The following KANK2 variants were observed in gnomAD, a reference collection of about 807,000 sequenced individuals.
KANK2 encodes the protein KN motif and ankyrin repeat domains 2, also known as KN motif and ankyrin repeat domain-containing protein 2.
KANK2 carries 41 observed loss-of-function variants against 74.6 expected under a neutral mutation model. The observed-to-expected ratio is 0.55, with a 90% confidence interval of 0.43 to 0.71. The LOEUF is 0.71. KANK2 is among the 30% of genes least tolerant of loss of function. The pLI, the probability that KANK2 is intolerant of heterozygous loss-of-function variation, is 0.00. For missense variants in KANK2, 1,148 were observed against 1,196.4 expected (o/e 0.96, Z 0.60); for synonymous variants, 537 against 519.0 (o/e 1.03, Z -0.47).
In KANK2 at chr19:11,176,829, C is replaced by T. The variant is rs377011452; in HGVS notation, c.1521-12G>A. 5.5e-5 allele frequency: 82 copies of T among 1,493,366 alleles called. No homozygotes were observed. Among genetic ancestry groups the T allele is most frequent in the South Asian group, 4.2e-4 (30 of 72,030 alleles). The allele number at this position is 1,493,366 out of a possible 1,614,324, so 92.5% of individuals were successfully genotyped here. ...ATGACGACTCATACCTGGGGAGGAA[C>T]GAGCGGGGAGGGGGAGATGCTGCAG... On this transcript the variant is annotated splice_polypyrimidine_tract_variant and intron_variant, in intron 6 of 12. Transcript: ENST00000586659.
intron 6 of KANK2, among the ~76,000 whole-genome samples, chr19:11,177,642 G>A (rs1439733914): frequency 1.3e-5 from 2 of 152,242 alleles, no homozygotes; most frequent in Non-Finnish European, 1.5e-5. Flanking sequence ...GTGAGCCACC[G>A]CGCCCGGCCA....
At position 11,176,696 on chromosome 19, in the gene KANK2, T is replaced by C; in HGVS notation, c.1642A>G (p.Arg548Gly). 2 of 1,613,046 alleles carry C rather than the reference T, an allele frequency of 1.2e-6. No homozygotes were observed. The highest frequency in any genetic ancestry group is 1.1e-5 in the South Asian group (1 of 90,878). ...TTGGCCGCTGCCGTCCCTGCAGGCCTGAGCTGGGGGGCTTCGGCCACACTC... is the reference window on the plus strand; with the variant it reads ...TTGGCCGCTGCCGTCCCTGCAGGCCCGAGCTGGGGGGCTTCGGCCACACTC... The part of the protein sequence containing the change: ...VPSVAEAPQL[R>G]PAGTAAAKTS... Residue 548 changes from arginine (R) to glycine (G), a missense_variant, in exon 7 of 13, where the codon AGG becomes GGG. Coordinates refer to ENST00000586659, the MANE Select transcript of KANK2 (RefSeq NM_001136191.3).
At position 11,170,186 on chromosome 19, in the gene KANK2, C is replaced by G; in HGVS notation, c.2274G>C (p.Leu758=). 7 of 1,611,956 alleles carry G rather than the reference C, an allele frequency of 4.3e-6. No homozygotes were observed. The highest frequency in any genetic ancestry group is 5.9e-6 in the Non-Finnish European group (7 of 1,180,026). Residue 758 remains leucine, a synonymous_variant, in exon 11 of 13, where the codon CTG becomes CTC. Transcript: ENST00000586659. This position sits in a 1 kb window ranked among gnomAD's most constrained non-coding sequence, Gnocchi z 5.2. ...SHGRVDVVKA[L]LACEADVNVQ... ...CGTTGACATCTGCCTCACAGGCCAG[C>G]AGGGCTTTGACAACGTCCACCCGCC... is the stretch of plus-strand genomic sequence containing the variant.
At chr19:11,196,560 T>G (rs1213732893) in intron 1 of KANK2, 2 of 152,110 alleles carry the variant, frequency 1.3e-5, no homozygotes, top group East Asian at 3.9e-4. Flanking sequence ...ACCCTCAGAC[T>G]CCACATCAGA....
At chr19:11,167,751 C>T (rs1600803662) in intron 12 of KANK2, among the ~76,000 whole-genome samples, 1 of 152,004 alleles carries the variant, frequency 6.6e-6, no homozygotes, top group South Asian at 2.1e-4. Flanking sequence ...TGGTCTCGAA[C>T]TCCTGACCTC....
intron 4 of KANK2, among the ~76,000 whole-genome samples, chr19:11,186,330 G>A (rs1315610371): frequency 6.6e-6 from 1 of 152,084 alleles, no homozygotes; most frequent in Non-Finnish European, 1.5e-5. Flanking sequence ...GGAGGTTGCA[G>A]TGAGCCAAGA....
intron 6 of KANK2, 137 bp from the exon 7 acceptor site, chr19:11,176,954 A>ACAACCCT: frequency 9.6e-7 from 1 of 1,044,858 alleles, no homozygotes; most frequent in Non-Finnish European, 1.3e-6. Context: ...TTGACATTCC[A>ACAACCCT]GGGTTGTGGG....
Position 11,174,502 on chromosome 19 carries a change from A to G in KANK2, c.2039T>C (p.Phe680Ser), listed in dbSNP as rs951444545. ...GTCGAGCAGCTGCTGCACCACGGGG[A>G]AGTTGGCATGAGACACGGAGTAGTG... ...ALHYSVSHAN[F>S]PVVQQLLDSG... The change falls in exon 9 of 13, where the codon TTC (phenylalanine) becomes TCC (serine). Residue 680 changes from phenylalanine (F) to serine (S), a missense_variant. Transcript: ENST00000586659. 6.2e-7 allele frequency: 1 copy of G among 1,612,900 alleles called. No individual in the cohort carries two copies. The highest frequency in any genetic ancestry group is 1.7e-5 in the Admixed American group (1 of 59,806).
At chr19:11,194,401 A>C in intron 3 of KANK2, 74 bp downstream of exon 3, 2 of 1,229,446 alleles carry the variant, frequency 1.6e-6, no homozygotes, top group Non-Finnish European at 2.4e-6. Flanking sequence ...TCCCCAGGGC[A>C]AGGTCCCCAG....
rs1397627047 is a variant in KANK2 at position 11,170,538 on chromosome 19, T to C, written c.2212-290A>G. ...AGAACGTTCTGGAACTAGACGGAGG[T>C]GTTGGTTGCACAACAGGGTGAATGT... On this transcript the variant is annotated intron_variant, in intron 10 of 12. Transcript: ENST00000586659. This position sits in a 1 kb window ranked among gnomAD's most constrained non-coding sequence, Gnocchi z 5.2. 1 of 500,854 alleles carries C rather than the reference T, an allele frequency of 2.0e-6. No homozygotes were observed. Among genetic ancestry groups the C allele is most frequent in the Non-Finnish European group, 3.6e-6 (1 of 276,676 alleles). 31.0% of individuals were successfully genotyped at this position (500,854 alleles called of 1,614,324 possible). A position where few individuals can be genotyped will look rare whatever the true frequency, so the allele number is the denominator to read the frequency against.
intron 9 of KANK2, among the ~76,000 whole-genome samples, chr19:11,173,942 C>T (rs1432954595): frequency 1.3e-5 from 2 of 151,838 alleles, no homozygotes; most frequent in Non-Finnish European, 2.9e-5. Context: ...ATGATGTCTC[C>T]TCCATTAAAC....
At position 11,176,078 on chromosome 19, in the gene KANK2, A is replaced by G. The variant is rs145166964; in HGVS notation, c.1761-89T>C. 5.9e-4 allele frequency: 584 copies of G among 985,990 alleles called. 5 individuals carry two copies. In the African/African-American group the frequency reaches 8.5e-3, roughly 14 times the overall value. 61.1% of individuals were successfully genotyped at this position (985,990 alleles called of 1,614,324 possible). On this transcript the variant is annotated intron_variant, in intron 7 of 12. Transcript: ENST00000586659. ...GACATTCTGCACCACGTCACTCACAATAGGGTCACCTGAATGGTGGCATCT... is the reference window on the plus strand; with the variant it reads ...GACATTCTGCACCACGTCACTCACAGTAGGGTCACCTGAATGGTGGCATCT...
At chr19:11,171,003 G>A (rs2078158554) in intron 10 of KANK2, among the ~76,000 whole-genome samples, 1 of 152,128 alleles carries the variant, frequency 6.6e-6, no homozygotes, top group South Asian at 2.1e-4. Context: ...TGTATTTTTA[G>A]TAGAGACAGA....
chr19:11,174,597 G>A lies in KANK2; in HGVS notation c.1944C>T (p.Phe648=), dbSNP rs776707980. 1 of 1,613,108 alleles carries A rather than the reference G, an allele frequency of 6.2e-7. No individual in the cohort carries two copies. Among genetic ancestry groups the A allele is most frequent in the Non-Finnish European group, 8.5e-7 (1 of 1,179,814 alleles). ...PELVRRHLVT[F]RAMSARLLDY... Reference sequence around the variant, plus strand: ...CCAGCAGCCGCGCAGACATGGCCCGGAACGTGACCAGGTGCCGCCGCACCA... The same window carrying A: ...CCAGCAGCCGCGCAGACATGGCCCGAAACGTGACCAGGTGCCGCCGCACCA... Residue 648 remains phenylalanine, a synonymous_variant, in exon 9 of 13, where the codon TTC becomes TTT. Transcript: ENST00000586659.
chr19:11,192,966 T>A lies in KANK2; in HGVS notation c.1114A>T (p.Arg372Trp), dbSNP rs2078896503. The A allele has an allele frequency of 1.9e-6, 3 of 1,614,138 alleles. No homozygotes were observed. In the East Asian group the frequency reaches 6.7e-5, roughly 36 times the overall value. The change falls in exon 4 of 13, where the codon AGG becomes TGG. Residue 372 changes from arginine (R) to tryptophan (W), a missense_variant. Physicochemically the swap from Arg to Trp is moderately radical, Grantham distance 101. Coordinates refer to ENST00000586659, the MANE Select transcript of KANK2 (RefSeq NM_001136191.3). The part of the protein sequence containing the change: ...TGLRALAMPG[R>W]PESPPVFRSQ... ...CGGAACACAGGTGGGCTCTCAGGCCTACCAGGCATTGCCAGGGCCCTCAGC... is the reference window on the plus strand; with the variant it reads ...CGGAACACAGGTGGGCTCTCAGGCCAACCAGGCATTGCCAGGGCCCTCAGC...
rs531101785 is a variant in KANK2, at chr19:11,186,435, G to A, written c.1249+6396C>T. 3.0e-3 allele frequency among the ~76,000 whole-genome samples: 453 copies of A among 149,106 alleles called. 2 individuals carry two copies. The highest frequency in any genetic ancestry group is 5.1e-3 in the Non-Finnish European group (344 of 67,364). On this transcript the variant is annotated intron_variant, in intron 4 of 12. Coordinates refer to ENST00000586659, the MANE Select transcript of KANK2 (RefSeq NM_001136191.3). ...GAAGAGGCCAGGCGCGGTGGCTCACGCCTGTTAATTCCAGCACTTTGGGAG... is the reference window on the plus strand; with the variant it reads ...GAAGAGGCCAGGCGCGGTGGCTCACACCTGTTAATTCCAGCACTTTGGGAG...
Position 11,193,729 on chromosome 19 carries a change from G to A in KANK2, c.351C>T (p.Arg117=), listed in dbSNP as rs752993914. 32 of 1,612,264 alleles carry A rather than the reference G, an allele frequency of 2.0e-5. 1 individual carries two copies. The South Asian group carries it at 2.3e-4, about 12-fold the overall frequency. The change falls in exon 4 of 13, where the codon CGC becomes CGT. Residue 117 remains arginine, a synonymous_variant. Transcript: ENST00000586659. This position sits in a 1 kb window ranked among gnomAD's most constrained non-coding sequence, Gnocchi z 9.6. Reference sequence around the variant, plus strand: ...GCTCCACCCGCGGATTGAAGCCACCGCGGGTCTCCAGAGCACCATACTGAG... The same window carrying A: ...GCTCCACCCGCGGATTGAAGCCACCACGGGTCTCCAGAGCACCATACTGAG... The part of the protein sequence containing the change: ...FYPQYGALET[R]GGFNPRVERT...
At chr19:11,181,011 C>T (rs1007972333) in intron 4 of KANK2, among the ~76,000 whole-genome samples, 10 of 140,042 alleles carry the variant, frequency 7.1e-5, no homozygotes, top group African/African-American at 2.7e-4. Context: ...CGCTTGAACC[C>T]GGAAGGCGGA....
chr19:11,190,562 G>A (rs1395140340), intron 4 of KANK2, among the ~76,000 whole-genome samples: 1 of 152,174 alleles, frequency 6.6e-6, no homozygotes, highest in Non-Finnish European at 1.5e-5. Context: ...ACTTAACCGT[G>A]TGCATTAATT....
Sources: allele counts gnomAD v4.1 joint callset (sites outside exome capture counted in the v4.1 genomes callset), GRCh38; gene constraint gnomAD v4.1.1; non-coding constraint Gnocchi (gnomAD v3.1); transcripts MANE v1.5; gene names NCBI Gene and HGNC (gene_info 2026-07-23, HGNC 2026-07-21).